Variants in TTC6 observed in about 807,000 individuals in gnomAD.
TTC6 encodes the protein tetratricopeptide repeat domain 6, also known as tetratricopeptide repeat protein 6.
A neutral mutation model predicts 210.4 loss-of-function variants in TTC6; 172 were observed. The observed-to-expected ratio is 0.82, with a 90% CI of 0.72 to 0.93. The LOEUF is 0.93. Ranked by LOEUF, TTC6 falls within the 40% of genes least tolerant of loss-of-function variation. The pLI is 0.00. For synonymous variants in TTC6, 804 were observed against 819.6 expected (o/e 0.98, Z 0.32); for missense variants, 2,414 against 2,318.1 (o/e 1.04, Z -0.85).
intron 7 of TTC6, among the ~76,000 whole-genome samples, chr14:37,732,214 A>G (rs1385270950): frequency 2.8e-5 from 3 of 108,554 alleles, no homozygotes; most frequent in African/African-American, 7.7e-5. Flanking sequence ...AGAGAGTCTC[A>G]CTCTGTCACC....
At chr14:37,607,957 G>A (rs1376723662) in intron 2 of TTC6, among the ~76,000 whole-genome samples, 1 of 152,118 alleles carries the variant, frequency 6.6e-6, no homozygotes, top group Non-Finnish European at 1.5e-5. Flanking sequence ...TACTAACTTT[G>A]TAATTTGATT....
At chr14:37,760,813 A>G (rs1192522069) in intron 14 of TTC6, among the ~76,000 whole-genome samples, 2 of 152,172 alleles carry the variant, frequency 1.3e-5, no homozygotes, top group African/African-American at 4.8e-5. Flanking sequence ...CCTTAGCACT[A>G]TCAGGGGAAA....
At chr14:37,830,748 A>AG (rs2096182750) in intron 29 of TTC6, among the ~76,000 whole-genome samples, 1 of 51,504 alleles carries the variant, frequency 1.9e-5, no homozygotes, top group Admixed American at 2.6e-4. Flanking sequence ...TTTCTAAAAT[A>AG]GATTTTTTTA....
intron 1 of TTC6, among the ~76,000 whole-genome samples, chr14:37,656,072 A>G (rs1566867506): frequency 6.6e-6 from 1 of 152,108 alleles, no homozygotes; most frequent in Admixed American, 6.5e-5. Flanking sequence ...GCTGGTTAGG[A>G]TTTTTTTGGA....
chr14:37,651,428 T>TACA (rs1566864709), intron 1 of TTC6, among the ~76,000 whole-genome samples: 1 of 25,758 alleles, frequency 3.9e-5, no homozygotes. Context: ...TATATATATT[T>TACA]TTTTTTTTTT....
intron 20 of TTC6, 33 bp from the exon 23 acceptor site, chr14:37,804,647 T>C (rs780162922): frequency 1.9e-6 from 3 of 1,601,482 alleles, no homozygotes; most frequent in Non-Finnish European, 2.6e-6. Flanking sequence ...AAGAAACATT[T>C]CTTGCCCCCT....
chr14:37,610,663 C>T (rs2095632774), intron 2 of TTC6, among the ~76,000 whole-genome samples: 1 of 152,144 alleles, frequency 6.6e-6, no homozygotes, highest in African/African-American at 2.4e-5. Flanking sequence ...ACTAGCATCC[C>T]GACTGCCGTA....
downstream of TTC6, chr14:37,842,467 A>G: frequency 2.0e-6 from 1 of 507,132 alleles, no homozygotes; most frequent in East Asian, 3.8e-5. Flanking sequence ...TATAAAACAT[A>G]TATCATTTGC....
intron 29 of TTC6, 148 bp downstream of exon 31, chr14:37,827,514 G>T: frequency 1.3e-6 from 1 of 759,798 alleles, no homozygotes; most frequent in Non-Finnish European, 2.0e-6. Flanking sequence ...TCATAAGAAT[G>T]TTTATAATTT....
At chr14:37,763,689 C>T (rs2095990895) in intron 14 of TTC6, among the ~76,000 whole-genome samples, 1 of 151,902 alleles carries the variant, frequency 6.6e-6, no homozygotes, top group Admixed American at 6.6e-5. Flanking sequence ...TAATTTGAGT[C>T]ATCTTTTCTT....
intron 6 of TTC6, 150 bp downstream of exon 8, chr14:37,714,946 G>A (rs560793826): frequency 5.7e-6 from 4 of 703,594 alleles, no homozygotes; most frequent in East Asian, 5.5e-5. Context: ...GGGAGGACAT[G>A]GCGAGAGGAT....
chr14:37,672,011 A>G (rs1343187074), intron 1 of TTC6, among the ~76,000 whole-genome samples: 1 of 152,142 alleles, frequency 6.6e-6, no homozygotes, highest in African/African-American at 2.4e-5. Flanking sequence ...TTACTTTACA[A>G]ATTACCCAGT....
chr14:37,801,584 A>AAG (rs773361776), intron 20 of TTC6, among the ~76,000 whole-genome samples: 1 of 152,096 alleles, frequency 6.6e-6, no homozygotes, highest in Admixed American at 6.6e-5. Flanking sequence ...TAGCAGAGTA[A>AAG]AGAGAGAGAG....
At chr14:37,637,911 G>A (rs957412238) in intron 1 of TTC6, among the ~76,000 whole-genome samples, 4 of 152,156 alleles carry the variant, frequency 2.6e-5, no homozygotes, top group Non-Finnish European at 5.9e-5. Flanking sequence ...AGCCACTCTG[G>A]AAAACAGTTT....
chr14:37,834,191 T>G (rs910990304), intron 29 of TTC6, among the ~76,000 whole-genome samples: 1 of 152,144 alleles, frequency 6.6e-6, no homozygotes, highest in South Asian at 2.1e-4. Context: ...TGAATCTATC[T>G]GGGGACATTT....
intron 20 of TTC6, among the ~76,000 whole-genome samples, chr14:37,798,602 T>G (rs2096098112): frequency 6.6e-6 from 1 of 152,064 alleles, no homozygotes; most frequent in South Asian, 2.1e-4. Context: ...TTTCTTATTC[T>G]TGTCTAACTG....
At chr14:37,692,224 A>AAAAAAAAAG (rs1566891501) in intron 3 of TTC6, among the ~76,000 whole-genome samples, 95 of 143,132 alleles carry the variant, frequency 6.6e-4, no homozygotes, top group Non-Finnish European at 1.2e-3. Context: ...AAAAAAAAAA[A>AAAAAAAAAG]AAAAAAAAGA....
intron 2 of TTC6, among the ~76,000 whole-genome samples, chr14:37,611,886 G>A (rs2095635265): frequency 6.6e-6 from 1 of 152,182 alleles, no homozygotes; most frequent in African/African-American, 2.4e-5. Flanking sequence ...CTTGGTGGAC[G>A]GTGAGACACT....
At chr14:37,709,747 C>G (rs1219582114) in intron 5 of TTC6, among the ~76,000 whole-genome samples, 1 of 148,644 alleles carries the variant, frequency 6.7e-6, no homozygotes, top group Non-Finnish European at 1.5e-5. Context: ...CTTCTATAGA[C>G]TGATTTTATC....
Sources: allele counts gnomAD v4.1 joint callset (sites outside exome capture counted in the v4.1 genomes callset), GRCh38; gene constraint gnomAD v4.1.1; transcripts MANE v1.5; gene names NCBI Gene and HGNC (gene_info 2026-07-23, HGNC 2026-07-21).